Variants in RAB31 observed in about 807,000 individuals in gnomAD.
RAB31 encodes the protein RAB31, member RAS oncogene family.
A neutral mutation model predicts 25.6 loss-of-function variants in RAB31; 21 were observed. The ratio of observed to expected loss-of-function variants is 0.82; its 90% CI spans 0.58 to 1.18. RAB31 has a LOEUF of 1.18. RAB31 is among the 50% of genes most tolerant of loss of function. RAB31 has a pLI of 0.00. For synonymous variants in RAB31, 87 were observed against 84.0 expected, an observed-to-expected ratio of 1.04 and a Z score of -0.20; for missense variants, 196 against 250.1, an observed-to-expected ratio of 0.78 and a Z score of 1.46.
chr18:9,765,318 C>T (rs2068310351), intron 1 of RAB31, among the ~76,000 whole-genome samples: 1 of 152,186 alleles, frequency 6.6e-6, no homozygotes, highest in Non-Finnish European at 1.5e-5. Flanking sequence ...TTTCTCACTA[C>T]AGTAACAGGC....
chr18:9,859,373 C>A lies in RAB31; in HGVS notation c.*48C>A. The A allele has an allele frequency of 6.7e-7, 1 of 1,502,898 alleles. No individual in the cohort carries two copies. The highest frequency in any genetic ancestry group is 9.3e-7 in the Non-Finnish European group (1 of 1,080,984). 93.1% of individuals were successfully genotyped at this position (1,502,898 alleles called of 1,614,324 possible). Reference sequence around the variant, plus strand: ...ACTTGAAGAAGCCAGAGCCCACATCCTGTGCACTGCTGAAGGACCCTACGC... The same window carrying A: ...ACTTGAAGAAGCCAGAGCCCACATCATGTGCACTGCTGAAGGACCCTACGC... On this transcript the variant is annotated 3_prime_UTR_variant, in exon 7 of 7. Transcript: ENST00000578921.
chr18:9,717,076 C>CTTTTTTGT (rs1370088786), intron 1 of RAB31, among the ~76,000 whole-genome samples: 1 of 151,532 alleles, frequency 6.6e-6, no homozygotes, highest in Non-Finnish European at 1.5e-5. Flanking sequence ...AAGTGGGCTT[C>CTTTTTTGT]TTTTTTGTTT....
chr18:9,731,742 T>A (rs903302325), intron 1 of RAB31, among the ~76,000 whole-genome samples: 5 of 151,892 alleles, frequency 3.3e-5, no homozygotes, highest in Non-Finnish European at 7.4e-5. Context: ...ATTACAGGCG[T>A]GTGGCACCAC....
intron 1 of RAB31, among the ~76,000 whole-genome samples, chr18:9,718,711 T>A (rs1160865120): frequency 6.6e-6 from 1 of 152,162 alleles, no homozygotes; most frequent in East Asian, 1.9e-4. Context: ...AGGCTGAAAG[T>A]CCACCATCAG....
rs116051487 is a variant in RAB31, at chr18:9,829,192, C to T, written c.380+13970C>T. Among the ~76,000 whole-genome samples the T allele has an allele frequency of 5.3e-3, 805 of 152,326 alleles. 5 individuals carry two copies. Among genetic ancestry groups the T allele is most frequent in the African/African-American group, 0.018 (756 of 41,566 alleles). On this transcript the variant is annotated intron_variant, in intron 5 of 6. Coordinates refer to ENST00000578921, the MANE Select transcript of RAB31 (RefSeq NM_006868.4). Reference sequence around the variant, plus strand: ...CTTCCCCAATCGTATCCTCTTCTCTCCACCCAGAAGTAACCACCCTGCTGA... The same window carrying T: ...CTTCCCCAATCGTATCCTCTTCTCTTCACCCAGAAGTAACCACCCTGCTGA...
intron 1 of RAB31, among the ~76,000 whole-genome samples, chr18:9,730,867 G>A (rs1234213488): frequency 6.6e-6 from 1 of 152,178 alleles, no homozygotes; most frequent in Non-Finnish European, 1.5e-5. Context: ...ATGAGTTTGG[G>A]GGAAAGCATC....
At chr18:9,741,022 A>T (rs1223361659) in intron 1 of RAB31, among the ~76,000 whole-genome samples, 1 of 152,080 alleles carries the variant, frequency 6.6e-6, no homozygotes, top group Non-Finnish European at 1.5e-5. Flanking sequence ...AACCCCTGGC[A>T]GGGGCTGCAT....
intron 5 of RAB31, among the ~76,000 whole-genome samples, chr18:9,819,794 T>G (rs969811821): frequency 6.6e-6 from 1 of 152,102 alleles, no homozygotes; most frequent in African/African-American, 2.4e-5. Context: ...TTGTTTTATT[T>G]ATTCTTCTGT....
At chr18:9,812,789 C>T (rs908073131) in intron 3 of RAB31, among the ~76,000 whole-genome samples, 18 of 147,074 alleles carry the variant, frequency 1.2e-4, no homozygotes, top group Admixed American at 8.4e-4. Flanking sequence ...CCTCTGCCTC[C>T]CGGGTTCTAG....
chr18:9,807,095 C>A (rs552311447), intron 3 of RAB31, among the ~76,000 whole-genome samples: 2 of 152,310 alleles, frequency 1.3e-5, no homozygotes, highest in East Asian at 3.9e-4. Flanking sequence ...GGAGGTGCGG[C>A]TGCGTGAGAG....
chr18:9,778,447 A>G (rs1018063997), intron 2 of RAB31, among the ~76,000 whole-genome samples: 1 of 152,170 alleles, frequency 6.6e-6, no homozygotes, highest in Non-Finnish European at 1.5e-5. Flanking sequence ...CGAGTGGTTG[A>G]AAAACCACCT....
At chr18:9,727,667 T>C (rs2068102135) in intron 1 of RAB31, among the ~76,000 whole-genome samples, 1 of 152,234 alleles carries the variant, frequency 6.6e-6, no homozygotes, top group Non-Finnish European at 1.5e-5. Context: ...TGCTCAAGGG[T>C]GTTTGAAAAC....
At chr18:9,846,342 G>A (rs2068761898) in intron 6 of RAB31, among the ~76,000 whole-genome samples, 1 of 152,202 alleles carries the variant, frequency 6.6e-6, no homozygotes, top group African/African-American at 2.4e-5. Flanking sequence ...ATCTGCAGCT[G>A]TGAGGCTTCC....
chr18:9,732,536 G>A (rs2068129127), intron 1 of RAB31, among the ~76,000 whole-genome samples: 1 of 152,192 alleles, frequency 6.6e-6, no homozygotes, highest in South Asian at 2.1e-4. Context: ...GGTGGGTCCT[G>A]GAACTTGTAC....
intron 3 of RAB31, among the ~76,000 whole-genome samples, chr18:9,796,017 G>GTA (rs984210184): frequency 6.6e-6 from 1 of 152,044 alleles, no homozygotes; most frequent in African/African-American, 2.4e-5. Context: ...AGAAAATGTG[G>GTA]TATATATATA....
At chr18:9,775,727 C>T (rs2068369037) in intron 2 of RAB31, among the ~76,000 whole-genome samples, 1 of 152,180 alleles carries the variant, frequency 6.6e-6, no homozygotes, top group South Asian at 2.1e-4. Context: ...ATGCCATCCA[C>T]CCGTACCTCA....
intron 5 of RAB31, among the ~76,000 whole-genome samples, chr18:9,816,477 C>T (rs1409230836): frequency 1.3e-5 from 2 of 152,184 alleles, no homozygotes; most frequent in African/African-American, 4.8e-5. Context: ...ATGGTAATGA[C>T]CATTAGAATT....
intron 3 of RAB31, among the ~76,000 whole-genome samples, chr18:9,807,241 G>A (rs1173926945): frequency 1.3e-5 from 2 of 152,294 alleles, no homozygotes; most frequent in South Asian, 2.1e-4. Context: ...GGGCATGTTC[G>A]GAGGCCTCCT....
chr18:9,746,955 A>G (rs2068208951), intron 1 of RAB31, among the ~76,000 whole-genome samples: 2 of 152,254 alleles, frequency 1.3e-5, no homozygotes, highest in African/African-American at 4.8e-5. Context: ...ATCAAAGGAC[A>G]GTATTAAGAA....
Sources: gnomAD v4.1 joint callset for allele counts (sites outside exome capture counted in the v4.1 genomes callset) on GRCh38, gnomAD v4.1.1 for gene constraint, MANE v1.5 for transcripts, NCBI Gene and HGNC (gene_info 2026-07-23, HGNC 2026-07-21) for gene names.